The following CNKSR2 variants were observed in gnomAD, a reference collection of about 807,000 sequenced individuals.
The protein encoded by CNKSR2 is CNK homolog protein 2.
In CNKSR2, 14 loss-of-function variants were observed where a neutral mutation model predicts 84.4. That is an observed-to-expected ratio of 0.17 (90% CI 0.11 to 0.26). The LOEUF (loss-of-function observed/expected upper bound fraction) is 0.26. CNKSR2 is among the 10% of genes least tolerant of loss of function. The pLI is 1.00. For synonymous variants in CNKSR2, 275 were observed against 277.9 expected (o/e 0.99, Z 0.10); for missense variants, 485 against 771.2 (o/e 0.63, Z 4.40).
rs1321222847 is a variant in CNKSR2 at position 21,591,073 on chromosome X, G to A, written c.1709G>A (p.Arg570His). ...KRRISCKDLG[R>H]GDCEGWLWKK... Reference sequence around the variant, plus strand: ...CGAATTTCTTGCAAAGATCTTGGCCGTGGTGACTGTGAGGGCTGGCTTTGG... The same window carrying A: ...CGAATTTCTTGCAAAGATCTTGGCCATGGTGACTGTGAGGGCTGGCTTTGG... The change falls in exon 15 of 22, where the codon CGT becomes CAT. Residue 570 changes from arginine to histidine, a missense_variant. Arg to His is a conservative substitution (Grantham distance 29). This residue lies in a region of CNKSR2 where 30 missense variants were observed against 78.9 expected (regional missense o/e 0.38). Transcript: ENST00000379510. 4.1e-6 allele frequency: 5 copies of A among 1,207,661 alleles called. No homozygotes were observed. The highest frequency in any genetic ancestry group is 1.8e-5 in the African/African-American group (1 of 56,992).
At chrX:21,527,719 A>G (rs189366338) in intron 10 of CNKSR2, among the ~76,000 whole-genome samples, 11 of 111,262 alleles carry the variant, frequency 9.9e-5, no homozygotes, top group African/African-American at 3.6e-4. Context: ...AAAATTATGG[A>G]AAAGGACTAG....
intron 13 of CNKSR2, among the ~76,000 whole-genome samples, chrX:21,570,807 A>G (rs944546252): frequency 3.6e-5 from 4 of 112,027 alleles, no homozygotes; most frequent in Non-Finnish European, 5.6e-5. Flanking sequence ...AACAGACACA[A>G]CATTTATTAA....
At chrX:21,527,609 G>A (rs1006366933) in intron 10 of CNKSR2, among the ~76,000 whole-genome samples, 14 of 110,438 alleles carry the variant, frequency 1.3e-4, no homozygotes, top group African/African-American at 4.6e-4. Context: ...TTCATTTATC[G>A]ATTCTTATTT....
chrX:21,501,459 A>G, intron 7 of CNKSR2, 61 bp from the exon 8 acceptor site: 1 of 686,256 alleles, frequency 1.5e-6, no homozygotes. Context: ...TAGTGTTTCC[A>G]GAGACAGGAA....
chrX:21,462,752 C>T (rs1382830759), intron 4 of CNKSR2, among the ~76,000 whole-genome samples: 5 of 100,020 alleles, frequency 5.0e-5, no homozygotes, highest in African/African-American at 2.0e-4. Context: ...CTCACTCTGT[C>T]GCCCAGGTTG....
chrX:21,481,837 A>G (rs1202629120), intron 5 of CNKSR2, among the ~76,000 whole-genome samples: 3 of 111,928 alleles, frequency 2.7e-5, no homozygotes, highest in Non-Finnish European at 3.8e-5. Flanking sequence ...ATGACAGCCA[A>G]CAGGAAAGTG....
chrX:21,424,322 C>A (rs2090537567), intron 1 of CNKSR2: 1 of 111,969 alleles, frequency 8.9e-6, no homozygotes, highest in Admixed American at 9.5e-5. Flanking sequence ...TGGCTAAAAT[C>A]ATTGATAATC....
At chrX:21,524,044 G>GT in intron 9 of CNKSR2, among the ~76,000 whole-genome samples, 1 of 110,145 alleles carries the variant, frequency 9.1e-6, no homozygotes, top group Non-Finnish European at 1.9e-5. Context: ...TTAATGTCTA[G>GT]TTTTTTTAAT....
intron 7 of CNKSR2, 33 bp from the exon 8 acceptor site, chrX:21,501,487 T>C: frequency 1.0e-6 from 1 of 969,563 alleles, no homozygotes; most frequent in South Asian, 2.4e-5. Context: ...ATAAAATTTA[T>C]GTTCTTTATC....
intron 20 of CNKSR2, among the ~76,000 whole-genome samples, chrX:21,624,280 C>T (rs1298405410): frequency 8.9e-6 from 1 of 111,797 alleles, no homozygotes; most frequent in African/African-American, 3.2e-5. Context: ...CAGGGTGTGG[C>T]TATCATCCCA....
chrX:21,577,627 T>G (rs2092327349), intron 13 of CNKSR2, among the ~76,000 whole-genome samples: 1 of 110,489 alleles, frequency 9.1e-6, no homozygotes, highest in South Asian at 3.8e-4. Context: ...CAATTGGCTT[T>G]TTTTTTGCTC....
At chrX:21,443,237 A>G (rs1158481576) in intron 4 of CNKSR2, among the ~76,000 whole-genome samples, 1 of 111,881 alleles carries the variant, frequency 8.9e-6, no homozygotes, top group Non-Finnish European at 1.9e-5. Flanking sequence ...AAAAATGGGT[A>G]AGGAATAAAG....
chrX:21,440,673 A>G, intron 3 of CNKSR2, 21 bp from the exon 4 acceptor site: 2 of 1,046,654 alleles, frequency 1.9e-6, no homozygotes, highest in Non-Finnish European at 2.6e-6. Context: ...AGTAATCACA[A>G]TTTTCCTTTT....
rs193009657 is a variant in CNKSR2, at chrX:21,557,341, C to G, written c.1304-4130C>G. 5.6e-4 allele frequency among the ~76,000 whole-genome samples: 62 copies of G among 110,871 alleles called. 1 individual carries two copies. The highest frequency in any genetic ancestry group is 1.9e-3 in the African/African-American group (58 of 30,668). ...TTTGCTTAATTGCGCTGAATATAGT[C>G]CATAATTCTTAAAAACCTACTTGCC... On this transcript the variant is annotated intron_variant, in intron 11 of 21. Coordinates refer to ENST00000379510, the MANE Select transcript of CNKSR2 (RefSeq NM_014927.5).
chrX:21,636,829 A>AC (rs2092674351), intron 20 of CNKSR2, among the ~76,000 whole-genome samples: 1 of 110,858 alleles, frequency 9.0e-6, no homozygotes, highest in Non-Finnish European at 1.9e-5. Flanking sequence ...ATAGGCACCC[A>AC]TTAAACCTTT....
chrX:21,381,424 A>G (rs1569135770), intron 1 of CNKSR2, among the ~76,000 whole-genome samples: 1 of 111,336 alleles, frequency 9.0e-6, no homozygotes. Context: ...TTTTTTTCCT[A>G]TTACCACAAG....
intron 1 of CNKSR2, among the ~76,000 whole-genome samples, chrX:21,379,709 C>G (rs866376528): frequency 9.0e-6 from 1 of 111,341 alleles, no homozygotes; most frequent in Admixed American, 9.6e-5. Context: ...TAATTATTCT[C>G]TGCTTTGGGG....
At chrX:21,636,921 A>G (rs1278765652) in intron 20 of CNKSR2, among the ~76,000 whole-genome samples, 1 of 111,541 alleles carries the variant, frequency 9.0e-6, no homozygotes, top group Admixed American at 9.6e-5. Context: ...CAATGACAGT[A>G]TCATGTGTCA....
intron 8 of CNKSR2, among the ~76,000 whole-genome samples, chrX:21,515,203 A>G (rs2091715010): frequency 9.0e-6 from 1 of 111,477 alleles, no homozygotes; most frequent in Non-Finnish European, 1.9e-5. Flanking sequence ...TGCAATTTAG[A>G]TGAATGCTTA....
Sources: allele counts gnomAD v4.1 joint callset (sites outside exome capture counted in the v4.1 genomes callset), GRCh38; gene constraint gnomAD v4.1.1; regional missense constraint gnomAD v4.1.1; transcripts MANE v1.5; gene names NCBI Gene and HGNC (gene_info 2026-07-23, HGNC 2026-07-21).